TRPC7: variants seen among roughly 807,000 people sequenced by gnomAD.
TRPC7 encodes short transient receptor potential channel 7.
Under a neutral mutation model 90.1 loss-of-function variants are expected in TRPC7, and 42 were observed. That is an observed-to-expected ratio of 0.47 (90% CI 0.36 to 0.60). The LOEUF (loss-of-function observed/expected upper bound fraction) is 0.60, where lower values mean the gene tolerates loss of function less well. TRPC7 is among the 20% of genes least tolerant of loss of function. The probability of loss-of-function intolerance (pLI) is 0.00; values close to 1 mark genes in which losing one functional copy is unlikely to be tolerated. For synonymous variants in TRPC7, 451 were observed against 436.3 expected, an observed-to-expected ratio of 1.03 and a Z score of -0.42; for missense variants, 955 against 1,112.3, an observed-to-expected ratio of 0.86 and a Z score of 2.01.
intron 2 of TRPC7, among the ~76,000 whole-genome samples, chr5:136,329,680 G>C (rs1460378253): frequency 6.6e-6 from 1 of 152,158 alleles, no homozygotes; most frequent in African/African-American, 2.4e-5. Context: ...GGTCATATGC[G>C]TAAGTTATGC....
At chr5:136,315,983 T>C (rs1759011213) in intron 2 of TRPC7, 1 of 582,432 alleles carries the variant, frequency 1.7e-6, no homozygotes, top group Middle Eastern at 4.6e-4. Flanking sequence ...ACATTTTCTC[T>C]AGGTCAGCAT....
At chr5:136,219,333 A>C (rs1205279679) in intron 10 of TRPC7, among the ~76,000 whole-genome samples, 5 of 152,242 alleles carry the variant, frequency 3.3e-5, no homozygotes, top group Admixed American at 3.3e-4. Flanking sequence ...AGGATTATAA[A>C]GTCTTCTTGT....
At chr5:136,350,079 A>G (rs116526820) in intron 2 of TRPC7, among the ~76,000 whole-genome samples, 1,598 of 152,306 alleles carry the variant, frequency 0.01, 9 homozygotes, top group Admixed American at 0.014. Flanking sequence ...GAGCTGTATC[A>G]TCTAGGTTTG....
intron 2 of TRPC7, among the ~76,000 whole-genome samples, chr5:136,337,792 A>G (rs1223823035): frequency 6.6e-6 from 1 of 152,224 alleles, no homozygotes; most frequent in Non-Finnish European, 1.5e-5. Flanking sequence ...AGAGAAGAGA[A>G]GTTGTCATCA....
At chr5:136,301,074 G>C (rs190311282) in intron 3 of TRPC7, among the ~76,000 whole-genome samples, 14 of 152,286 alleles carry the variant, frequency 9.2e-5, no homozygotes, top group Admixed American at 7.8e-4. Flanking sequence ...TTGTTGCCCA[G>C]GCTGGAGTGC....
At position 136,216,370 on chromosome 5, in the gene TRPC7, C is replaced by T. The variant is rs77636184; in HGVS notation, c.2344-95G>A. On this transcript the variant is annotated intron_variant, in intron 10 of 11. Transcript: ENST00000513104. The stretch of plus-strand genomic sequence containing the variant: ...AGGACCCCTCCCTCCCTTGAAGAGC[C>T]TCAGCAACCATGGCGACCCTCCCAT... 1,100 of 983,948 alleles carry T rather than the reference C, an allele frequency of 1.1e-3. 12 individuals carry two copies. The East Asian group carries it at 0.024, about 21-fold the overall frequency. The allele number at this position is 983,948 out of a possible 1,614,324, so 61.0% of individuals were successfully genotyped here.
At chr5:136,224,566 G>T (rs112048412) in intron 10 of TRPC7, among the ~76,000 whole-genome samples, 5,045 of 152,174 alleles carry the variant, frequency 0.033, 110 homozygotes, top group Non-Finnish European at 0.049. Flanking sequence ...CTATCACCCT[G>T]CTCGTACCCC....
chr5:136,230,604 T>C (rs1277444355), intron 8 of TRPC7, among the ~76,000 whole-genome samples: 1 of 152,252 alleles, frequency 6.6e-6, no homozygotes, highest in Non-Finnish European at 1.5e-5. Context: ...AGATGCATCG[T>C]AGTCTATTTA....
intron 2 of TRPC7, among the ~76,000 whole-genome samples, chr5:136,348,246 C>T (rs1049410743): frequency 1.2e-4 from 18 of 152,346 alleles, no homozygotes; most frequent in African/African-American, 3.8e-4. Flanking sequence ...TGGCTAAGGT[C>T]TCTTTAGCAT....
chr5:136,359,806 T>C (rs1428248561), intron 1 of TRPC7, among the ~76,000 whole-genome samples: 1 of 151,950 alleles, frequency 6.6e-6, no homozygotes, highest in Non-Finnish European at 1.5e-5. Context: ...AGGTAGAAGA[T>C]GAGCCCAAAG....
At position 136,251,762 on chromosome 5, in the gene TRPC7, C is replaced by G. The variant is rs757096759; in HGVS notation, c.1466G>C (p.Arg489Pro). Residue 489 changes from arginine (R) to proline (P), a missense_variant, in exon 6 of 12, where the codon CGC becomes CCC. Arg to Pro is a moderately radical substitution (Grantham distance 103). This residue lies in a region of TRPC7 where 484 missense variants were observed against 509.6 expected (regional missense o/e 0.95). Transcript: ENST00000513104. ...LSIFVASFTA[R>P]FMAFLKATEA... Reference sequence around the variant, plus strand: ...CGTGGCCTTCAGGAAGGCCATGAAGCGTGCTGTGAAGGAGGCCACGAAGAT... The same window carrying G: ...CGTGGCCTTCAGGAAGGCCATGAAGGGTGCTGTGAAGGAGGCCACGAAGAT... 1 of 1,613,904 alleles carries G rather than the reference C, an allele frequency of 6.2e-7. No homozygotes were observed. The highest frequency in any genetic ancestry group is 8.5e-7 in the Non-Finnish European group (1 of 1,179,866).
intron 5 of TRPC7, among the ~76,000 whole-genome samples, chr5:136,260,655 T>G (rs1756828113): frequency 6.6e-6 from 1 of 152,142 alleles, no homozygotes; most frequent in South Asian, 2.1e-4. Flanking sequence ...CTGGCTGTCA[T>G]TCTGAGGGAA....
At position 136,216,156 on chromosome 5, in the gene TRPC7, GTGT is replaced by G. The variant is rs149240974; in HGVS notation, c.2419+41_2419+43del. On this transcript the variant is annotated intron_variant, in intron 11 of 11. Transcript: ENST00000513104. ...TAGCCCAGTGAGACCCACAGAACCT[GTGT>G]TGTTTTAAATCACCACGTGGGTGGA... The G allele has an allele frequency of 3.7e-3, 5,563 of 1,523,186 alleles. 180 individuals are homozygous for G. The African/African-American group carries it at 0.065, about 18-fold the overall frequency. 94.4% of individuals were successfully genotyped at this position (1,523,186 alleles called of 1,614,324 possible). A position where few individuals can be genotyped will look rare whatever the true frequency, so the allele number is the denominator to read the frequency against.
intron 3 of TRPC7, among the ~76,000 whole-genome samples, chr5:136,289,274 T>G (rs964867000): frequency 6.6e-6 from 1 of 152,196 alleles, no homozygotes; most frequent in Admixed American, 6.5e-5. Context: ...ACTGAGGTAC[T>G]GGGTTCATCT....
At chr5:136,330,237 G>T (rs570973697) in intron 2 of TRPC7, among the ~76,000 whole-genome samples, 3 of 152,324 alleles carry the variant, frequency 2.0e-5, no homozygotes, top group East Asian at 1.9e-4. Context: ...AATATTAAAA[G>T]ATATAACTAT....
At chr5:136,234,069 G>T (rs1020150842) in intron 7 of TRPC7, among the ~76,000 whole-genome samples, 2 of 152,168 alleles carry the variant, frequency 1.3e-5, no homozygotes, top group Non-Finnish European at 2.9e-5. Flanking sequence ...GGCCTGGAAT[G>T]CTGATATGTT....
chr5:136,213,569 G>C lies in TRPC7; in HGVS notation c.2455C>G (p.Leu819Val). Residue 819 changes from leucine (L) to valine (V), a missense_variant, in exon 12 of 12, where the codon CTG becomes GTG. Transcript: ENST00000513104. ...TTTTCCTCAAGAAGCTCATAGCGCA[G>C]GCTGGAGATATCTTGCTTGATTTCC... is the stretch of plus-strand genomic sequence containing the variant. ...LKEIKQDISS[L>V]RYELLEEKSQ... The C allele has an allele frequency of 6.2e-7, 1 of 1,614,076 alleles. No individual in the cohort carries two copies. Among genetic ancestry groups the C allele is most frequent in the Non-Finnish European group, 8.5e-7 (1 of 1,179,906 alleles).
At chr5:136,355,391 C>T (rs542841035) in intron 2 of TRPC7, among the ~76,000 whole-genome samples, 6 of 152,266 alleles carry the variant, frequency 3.9e-5, no homozygotes, top group East Asian at 1.9e-4. Flanking sequence ...ACTTCTGTGC[C>T]GTCATATAAA....
chr5:136,285,672 C>G (rs1463635461), intron 3 of TRPC7, among the ~76,000 whole-genome samples: 1 of 152,094 alleles, frequency 6.6e-6, no homozygotes, highest in Non-Finnish European at 1.5e-5. Flanking sequence ...GAAGGGAAGC[C>G]CAGTGGCCTG....
Sources: gnomAD v4.1 joint callset for allele counts (sites outside exome capture counted in the v4.1 genomes callset) on GRCh38, gnomAD v4.1.1 for gene constraint, gnomAD v4.1.1 regional missense constraint, MANE v1.5 for transcripts, NCBI Gene and HGNC (gene_info 2026-07-23, HGNC 2026-07-21) for gene names.